The following LRRIQ1 variants were observed in gnomAD, a reference collection of about 807,000 sequenced individuals.
LRRIQ1 encodes leucine rich repeats and IQ motif containing 1, also known as leucine-rich repeat- and IQ domain-containing protein 1.
Under a neutral mutation model 211.9 loss-of-function variants are expected in LRRIQ1, and 210 were observed. That is an observed-to-expected ratio of 0.99 (90% confidence interval 0.89 to 1.11). The LOEUF (loss-of-function observed/expected upper bound fraction) is 1.11. Ranked by LOEUF, LRRIQ1 falls within the 50% of genes most tolerant of loss-of-function variation. The pLI, the probability that LRRIQ1 is intolerant of heterozygous loss-of-function variation, is 0.00. For synonymous variants in LRRIQ1, 699 were observed against 650.1 expected, an observed-to-expected ratio of 1.08 and a Z score of -1.14; for missense variants, 2,136 against 1,939.5, an observed-to-expected ratio of 1.10 and a Z score of -1.90.
intron 15 of LRRIQ1, among the ~76,000 whole-genome samples, chr12:85,110,535 A>G (rs967755682): frequency 6.6e-6 from 1 of 152,084 alleles, no homozygotes; most frequent in Non-Finnish European, 1.5e-5. Context: ...TGCAAAATCT[A>G]CGCTTGTAAC....
chr12:85,092,501 A>G (rs1164488497), intron 11 of LRRIQ1, among the ~76,000 whole-genome samples: 1 of 152,214 alleles, frequency 6.6e-6, no homozygotes. Context: ...AGACTCTTCA[A>G]ATGATGAGAC....
At chr12:85,105,796 A>ATT (rs5799719) in intron 14 of LRRIQ1, among the ~76,000 whole-genome samples, 38,701 of 127,640 alleles carry the variant, frequency 0.3, 7,386 homozygotes, top group African/African-American at 0.51. Context: ...CTTTCTTTCT[A>ATT]TTTTTTTTTT....
intron 24 of LRRIQ1, among the ~76,000 whole-genome samples, chr12:85,181,093 C>T (rs1408512930): frequency 2.7e-5 from 1 of 37,528 alleles, no homozygotes; most frequent in African/African-American, 4.7e-4. Context: ...TAACCTACCA[C>T]CCCCAGTATA....
intron 24 of LRRIQ1, among the ~76,000 whole-genome samples, chr12:85,174,267 A>G (rs1385518946): frequency 2.0e-5 from 3 of 152,116 alleles, no homozygotes; most frequent in African/African-American, 7.2e-5. Flanking sequence ...GATAGCAGAA[A>G]TAAAAAAAAC....
chr12:85,163,710 T>A (rs1891014256), intron 24 of LRRIQ1, among the ~76,000 whole-genome samples: 1 of 152,184 alleles, frequency 6.6e-6, no homozygotes. Context: ...TCTGTTGGTC[T>A]ATGATTAAAA....
intron 11 of LRRIQ1, among the ~76,000 whole-genome samples, chr12:85,088,039 G>T (rs1885006269): frequency 6.6e-6 from 1 of 152,146 alleles, no homozygotes; most frequent in Admixed American, 6.5e-5. Flanking sequence ...ATCCTGAATG[G>T]TATTGCCTAG....
At chr12:85,039,482 T>C (rs1187330364) in intron 2 of LRRIQ1, among the ~76,000 whole-genome samples, 3 of 151,704 alleles carry the variant, frequency 2.0e-5, no homozygotes, top group Non-Finnish European at 3.0e-5. Flanking sequence ...GTCACTATTT[T>C]TAATACACTA....
chr12:85,250,940 AAT>A (rs1384417901), intron 1 of LRRIQ1, among the ~76,000 whole-genome samples: 1 of 98,748 alleles, frequency 1.0e-5, no homozygotes, highest in Admixed American at 1.4e-4. Flanking sequence ...TATTATATAT[AAT>A]ATATTTTATA....
chr12:85,191,768 G>C (rs150037279), intron 24 of LRRIQ1, among the ~76,000 whole-genome samples: 1 of 151,894 alleles, frequency 6.6e-6, no homozygotes, highest in Non-Finnish European at 1.5e-5. Flanking sequence ...CACCAGCAAT[G>C]AATGACAGTC....
chr12:85,146,040 A>G (rs1000688202), intron 19 of LRRIQ1, among the ~76,000 whole-genome samples: 2 of 151,736 alleles, frequency 1.3e-5, no homozygotes, highest in Non-Finnish European at 2.9e-5. Context: ...GGTTCATGCA[A>G]TTAAGGTTAC....
At position 85,062,052 on chromosome 12, in the gene LRRIQ1, G is replaced by A. The variant is rs78712070; in HGVS notation, c.2392-3210G>A. Reference sequence around the variant, plus strand: ...ACTTTTAGTTCAATTTAATGCACAGGAAATGTTCCGTACAAAGAGGAGTTA... The same window carrying A: ...ACTTTTAGTTCAATTTAATGCACAGAAAATGTTCCGTACAAAGAGGAGTTA... On this transcript the variant is annotated intron_variant, in intron 8 of 26. Transcript: ENST00000393217. 7.8e-3 allele frequency among the ~76,000 whole-genome samples: 1,178 copies of A among 151,752 alleles called. 32 individuals are homozygous for A. In the East Asian group the frequency reaches 0.08, roughly 10 times the overall value.
intron 24 of LRRIQ1, among the ~76,000 whole-genome samples, chr12:85,228,173 G>A (rs1248151319): frequency 2.0e-5 from 3 of 152,224 alleles, no homozygotes; most frequent in Admixed American, 2.0e-4. Flanking sequence ...TTGACCAATG[G>A]GATCTAATTA....
chr12:85,159,808 A>G (rs1197600813), intron 23 of LRRIQ1, among the ~76,000 whole-genome samples: 1 of 151,924 alleles, frequency 6.6e-6, no homozygotes, highest in Non-Finnish European at 1.5e-5. Context: ...TATGAAATAT[A>G]TATACACAGA....
At chr12:85,206,575 A>AT (rs1409920032) in intron 24 of LRRIQ1, among the ~76,000 whole-genome samples, 1 of 152,036 alleles carries the variant, frequency 6.6e-6, no homozygotes, top group Non-Finnish European at 1.5e-5. Flanking sequence ...CAGCAAAGCA[A>AT]TGGGGGTGAG....
chr12:85,068,685 T>C (rs1202903879), intron 10 of LRRIQ1, among the ~76,000 whole-genome samples: 1 of 151,684 alleles, frequency 6.6e-6, no homozygotes, highest in Non-Finnish European at 1.5e-5. Context: ...TTTTTCTGAT[T>C]TTCTAAGTGT....
chr12:85,134,734 G>A (rs1227909649), intron 18 of LRRIQ1, among the ~76,000 whole-genome samples: 1 of 151,930 alleles, frequency 6.6e-6, no homozygotes, highest in African/African-American at 2.4e-5. Context: ...AAAAAGATAA[G>A]TGCACTATCT....
At chr12:85,157,910 A>G (rs550814032) in intron 23 of LRRIQ1, among the ~76,000 whole-genome samples, 3 of 152,076 alleles carry the variant, frequency 2.0e-5, no homozygotes, top group Admixed American at 2.0e-4. Context: ...TAAACAACTC[A>G]TGGGCTATAG....
chr12:85,091,026 CT>C (rs1885339617), intron 11 of LRRIQ1, among the ~76,000 whole-genome samples: 1 of 152,092 alleles, frequency 6.6e-6, no homozygotes, highest in Non-Finnish European at 1.5e-5. Context: ...ATAGTGAGTT[CT>C]CATGAGATCT....
chr12:85,037,955 A>G (rs1366308555), intron 1 of LRRIQ1, among the ~76,000 whole-genome samples, 198 bp from the exon 2 acceptor site: 1 of 151,956 alleles, frequency 6.6e-6, no homozygotes, highest in South Asian at 2.1e-4. Flanking sequence ...TTAGCGTACA[A>G]TTACAGTTGA....
Sources: gnomAD v4.1 joint callset for allele counts (sites outside exome capture counted in the v4.1 genomes callset) on GRCh38, gnomAD v4.1.1 for gene constraint, MANE v1.5 for transcripts, NCBI Gene and HGNC (gene_info 2026-07-23, HGNC 2026-07-21) for gene names.